Variants in EPHA6 observed in about 807,000 individuals in gnomAD.
EPHA6 encodes EPH receptor A6, also known as ephrin type-A receptor 6.
Under a neutral mutation model 112.0 loss-of-function variants are expected in EPHA6, and 50 were observed. That is an observed-to-expected ratio of 0.45 (90% CI 0.36 to 0.56). The LOEUF (loss-of-function observed/expected upper bound fraction) is 0.56. Among genes scored for constraint, EPHA6 ranks in the 20% least tolerant of loss-of-function variants. EPHA6 has a pLI of 0.00. For missense variants in EPHA6, 1,280 were observed against 1,417.4 expected (o/e 0.90, Z 1.56); for synonymous variants, 529 against 490.7 (o/e 1.08, Z -1.03).
At position 97,481,520 on chromosome 3, in the gene EPHA6, T is replaced by A; in HGVS notation, c.2074+2156T>A. 4 of 926,298 alleles carry A rather than the reference T, an allele frequency of 4.3e-6. 1 individual carries two copies. Among genetic ancestry groups the A allele is most frequent in the South Asian group, 3.8e-5 (3 of 78,024 alleles). 57.4% of individuals were successfully genotyped at this position (926,298 alleles called of 1,614,324 possible). ...TCCGGTTCTTCCTCCGGCGCGGGGC[T>A]AAGTGCAGGCCCGGGGGTCCCTAGA... is the stretch of plus-strand genomic sequence containing the variant. On this transcript the variant is annotated intron_variant, in intron 9 of 17. Coordinates refer to ENST00000389672, the MANE Select transcript of EPHA6 (RefSeq NM_001080448.3).
chr3:97,303,029 CA>C, intron 5 of EPHA6, among the ~76,000 whole-genome samples: 1 of 151,626 alleles, frequency 6.6e-6, no homozygotes, highest in South Asian at 2.1e-4. Context: ...GTAATGAAAC[CA>C]AGGAATGAAG....
chr3:97,112,482 C>T (rs2047752328), intron 3 of EPHA6, among the ~76,000 whole-genome samples: 1 of 152,070 alleles, frequency 6.6e-6, no homozygotes, highest in Admixed American at 6.6e-5. Flanking sequence ...GGAAGAAAAG[C>T]CAAGTGCTAT....
chr3:96,871,900 T>A (rs1172069816), intron 2 of EPHA6, among the ~76,000 whole-genome samples: 1 of 152,060 alleles, frequency 6.6e-6, no homozygotes, highest in East Asian at 1.9e-4. Flanking sequence ...ATGTGAGATT[T>A]CAGTGTGGTA....
At chr3:97,555,954 A>AC (rs2093102669) in intron 11 of EPHA6, among the ~76,000 whole-genome samples, 1 of 151,852 alleles carries the variant, frequency 6.6e-6, no homozygotes, top group South Asian at 2.1e-4. Context: ...TGCCTTTCAT[A>AC]TGCAAACCAC....
chr3:97,464,437 T>C (rs2090989162), intron 7 of EPHA6, among the ~76,000 whole-genome samples: 1 of 152,076 alleles, frequency 6.6e-6, no homozygotes, highest in African/African-American at 2.4e-5. Flanking sequence ...GGTACAAAAA[T>C]ATGGTGAAGC....
chr3:96,834,924 TATAATA>T (rs943543413), intron 1 of EPHA6, among the ~76,000 whole-genome samples: 1 of 152,048 alleles, frequency 6.6e-6, no homozygotes, highest in Non-Finnish European at 1.5e-5. Flanking sequence ...ATACAACAAT[TATAATA>T]ATAATGGTGT....
intron 14 of EPHA6, chr3:97,648,300 T>C (rs1406584266): frequency 7.8e-7 from 1 of 1,281,888 alleles, no homozygotes; most frequent in East Asian, 2.3e-5. Flanking sequence ...TCTTCCAAAC[T>C]CTAACACTTA....
chr3:96,898,330 GA>G (rs2038395248), intron 2 of EPHA6, among the ~76,000 whole-genome samples: 1 of 152,128 alleles, frequency 6.6e-6, no homozygotes, highest in Admixed American at 6.6e-5. Flanking sequence ...CTAAGGATCA[GA>G]AATAGATTTT....
At chr3:97,606,637 C>A (rs766694855) in intron 12 of EPHA6, among the ~76,000 whole-genome samples, 1 of 151,206 alleles carries the variant, frequency 6.6e-6, no homozygotes, top group Non-Finnish European at 1.5e-5. Flanking sequence ...AATCATCAGG[C>A]AACACCATAA....
chr3:97,322,956 G>A (rs753850390), intron 5 of EPHA6, among the ~76,000 whole-genome samples: 10 of 152,018 alleles, frequency 6.6e-5, no homozygotes, highest in South Asian at 2.1e-4. Context: ...CATATTCAAA[G>A]CAGATGCTTT....
intron 3 of EPHA6, among the ~76,000 whole-genome samples, chr3:96,995,373 T>C (rs1202588733): frequency 6.6e-6 from 1 of 152,126 alleles, no homozygotes; most frequent in Non-Finnish European, 1.5e-5. Context: ...GTATTTTCAC[T>C]TTCTAAAGGT....
At chr3:97,686,621 C>G (rs2032271420) in intron 14 of EPHA6, among the ~76,000 whole-genome samples, 1 of 152,180 alleles carries the variant, frequency 6.6e-6, no homozygotes, top group Non-Finnish European at 1.5e-5. Context: ...AACATCTTCT[C>G]TACTGCATAA....
chr3:97,241,802 TTA>T (rs1371867995), intron 4 of EPHA6, among the ~76,000 whole-genome samples: 1 of 148,672 alleles, frequency 6.7e-6, no homozygotes, highest in African/African-American at 2.5e-5. Context: ...AGGCGGACAG[TTA>T]TATACTTATA....
chr3:97,754,195 TCTC>T lies in EPHA6; in HGVS notation c.*5497_*5499del, dbSNP rs1245669117. On this transcript the variant is annotated 3_prime_UTR_variant, in exon 18 of 18. Coordinates refer to ENST00000389672, the MANE Select transcript of EPHA6 (RefSeq NM_001080448.3). ...CCTCCGCCTCCCAGGTTCAAGCAAT[TCTC>T]CTGCCTCAGCCTCCCGAGTAGCTAG... is the stretch of plus-strand genomic sequence containing the variant. Among the ~76,000 whole-genome samples the T allele has an allele frequency of 1.3e-5, 2 of 151,430 alleles. No homozygotes were observed. Among genetic ancestry groups the T allele is most frequent in the African/African-American group, 4.9e-5 (2 of 41,190 alleles).
intron 5 of EPHA6, among the ~76,000 whole-genome samples, chr3:97,373,029 CTGTT>C (rs1287032947): frequency 1.3e-5 from 2 of 152,072 alleles, no homozygotes; most frequent in African/African-American, 4.8e-5. Flanking sequence ...TTGTGCTTTT[CTGTT>C]TGTGTATGAA....
In EPHA6 at chr3:97,584,837, T is replaced by C. The variant is rs549804892; in HGVS notation, c.2387-7775T>C. On this transcript the variant is annotated intron_variant, in intron 11 of 17. Transcript: ENST00000389672. Reference sequence around the variant, plus strand: ...GCCAACCGCTAATAGGCAGTCCTCATGTGATTCATGATAAACCAATATGTT... The same window carrying C: ...GCCAACCGCTAATAGGCAGTCCTCACGTGATTCATGATAAACCAATATGTT... Among the ~76,000 whole-genome samples, 21 of 152,326 alleles carry C rather than the reference T, an allele frequency of 1.4e-4. No homozygotes were observed. In the South Asian group the frequency reaches 3.9e-3, roughly 29 times the overall value.
chr3:97,271,918 G>T (rs2079895505), intron 5 of EPHA6, among the ~76,000 whole-genome samples: 1 of 152,072 alleles, frequency 6.6e-6, no homozygotes, highest in East Asian at 1.9e-4. Context: ...GTTATCATTT[G>T]TGTGTAGATG....
At chr3:97,351,292 A>C (rs1042800052) in intron 5 of EPHA6, among the ~76,000 whole-genome samples, 1 of 152,204 alleles carries the variant, frequency 6.6e-6, no homozygotes, top group African/African-American at 2.4e-5. Flanking sequence ...TCAACTCAGA[A>C]GTGACTTGGA....
intron 3 of EPHA6, among the ~76,000 whole-genome samples, chr3:97,014,663 CATATA>C (rs2044205496): frequency 3.3e-5 from 5 of 152,114 alleles, no homozygotes; most frequent in African/African-American, 1.2e-4. Flanking sequence ...CAAAATATAT[CATATA>C]ATAATTCTGT....
Sources: gnomAD v4.1 joint callset for allele counts (sites outside exome capture counted in the v4.1 genomes callset) on GRCh38, gnomAD v4.1.1 for gene constraint, MANE v1.5 for transcripts, NCBI Gene and HGNC (gene_info 2026-07-23, HGNC 2026-07-21) for gene names.